The following DLG2 variants were observed in gnomAD, a reference collection of about 807,000 sequenced individuals.
DLG2 encodes disks large homolog 2.
Under a neutral mutation model 132.5 loss-of-function variants are expected in DLG2, and 45 were observed. The observed-to-expected ratio is 0.34, with a 90% CI of 0.27 to 0.44. The LOEUF (loss-of-function observed/expected upper bound fraction) is 0.44. Among genes scored for constraint, DLG2 ranks in the 20% least tolerant of loss-of-function variants. DLG2 has a pLI of 1.00. For synonymous variants in DLG2, 424 were observed against 419.6 expected (o/e 1.01, Z -0.13); for missense variants, 1,045 against 1,196.9 (o/e 0.87, Z 1.87).
intron 8 of DLG2, among the ~76,000 whole-genome samples, chr11:84,210,157 C>T (rs1178764803): frequency 6.6e-6 from 1 of 151,722 alleles, no homozygotes; most frequent in East Asian, 1.9e-4. Context: ...GTGGTACATG[C>T]CTGTAATCCC....
At chr11:83,824,398 A>G (rs1054753115) in intron 17 of DLG2, among the ~76,000 whole-genome samples, 2 of 152,118 alleles carry the variant, frequency 1.3e-5, no homozygotes, top group African/African-American at 4.8e-5. Flanking sequence ...TGAGGACACA[A>G]TGATTTTTTT....
At position 84,370,992 on chromosome 11, in the gene DLG2, A is replaced by G. The variant is rs187928934; in HGVS notation, c.520-119701T>C. On this transcript the variant is annotated intron_variant, in intron 7 of 27. Coordinates refer to ENST00000376104, the MANE Select transcript of DLG2 (RefSeq NM_001142699.3). ...CACCACATTCTCAGTCACTCTTCAC[A>G]CTTTCCATTCTGGCTTTTTTATAAA... 1.2e-4 allele frequency among the ~76,000 whole-genome samples: 18 copies of G among 152,218 alleles called. No homozygotes were observed. In the South Asian group the frequency reaches 2.3e-3, roughly 19 times the overall value.
chr11:83,476,967 TG>T (rs1290178412), intron 22 of DLG2, among the ~76,000 whole-genome samples: 2 of 152,120 alleles, frequency 1.3e-5, no homozygotes, highest in Admixed American at 1.3e-4. Context: ...GTGAAGAATA[TG>T]CACCATTTTG....
intron 11 of DLG2, among the ~76,000 whole-genome samples, chr11:83,983,413 T>G (rs2092972603): frequency 6.6e-6 from 1 of 152,002 alleles, no homozygotes; most frequent in African/African-American, 2.4e-5. Context: ...ATTTGGCATT[T>G]TATACAACAA....
Position 85,543,721 on chromosome 11 carries a change from A to T in DLG2, c.40+54936T>A, listed in dbSNP as rs183759876. Among the ~76,000 whole-genome samples, 52 of 152,228 alleles carry T rather than the reference A, an allele frequency of 3.4e-4. No individual in the cohort carries two copies. The East Asian group carries it at 9.8e-3, about 29-fold the overall frequency. On this transcript the variant is annotated intron_variant, in intron 3 of 27. Coordinates refer to ENST00000376104, the MANE Select transcript of DLG2 (RefSeq NM_001142699.3). The stretch of plus-strand genomic sequence containing the variant: ...GTATCTCATTGTGGTTTTGATTTAC[A>T]TTTCTCTAATGACCAGTGATGATGA...
intron 21 of DLG2, chr11:83,486,368 A>C: frequency 8.7e-6 from 5 of 572,586 alleles, no homozygotes; most frequent in Non-Finnish European, 1.5e-5. Context: ...AAAAAATTAC[A>C]CATTTTCATG....
At chr11:83,777,566 T>A (rs2094632800) in intron 18 of DLG2, among the ~76,000 whole-genome samples, 2 of 152,342 alleles carry the variant, frequency 1.3e-5, no homozygotes, top group Non-Finnish European at 2.9e-5. Flanking sequence ...ATTAAACTGA[T>A]AAGATTTAGG....
intron 4 of DLG2, among the ~76,000 whole-genome samples, chr11:85,282,677 T>C (rs980002169): frequency 5.3e-5 from 8 of 151,926 alleles, no homozygotes; most frequent in African/African-American, 1.9e-4. Context: ...AAAAAGTATA[T>C]ATTTATCATT....
intron 11 of DLG2, among the ~76,000 whole-genome samples, chr11:83,999,202 TG>T (rs1482933500): frequency 6.6e-6 from 1 of 152,020 alleles, no homozygotes; most frequent in Non-Finnish European, 1.5e-5. Context: ...CTGCCTGGCC[TG>T]GCTTTGTCCC....
At chr11:84,642,090 AGAGT>A (rs1371620851) in intron 6 of DLG2, among the ~76,000 whole-genome samples, 11 of 130,964 alleles carry the variant, frequency 8.4e-5, no homozygotes, top group South Asian at 2.6e-4. Context: ...GTGTATATGT[AGAGT>A]GTGTGTGTGT....
intron 4 of DLG2, among the ~76,000 whole-genome samples, chr11:85,240,323 TAAAG>T (rs1458916760): frequency 6.6e-6 from 1 of 151,892 alleles, no homozygotes; most frequent in Non-Finnish European, 1.5e-5. Flanking sequence ...ATATATTTGT[TAAAG>T]AAATCTTATG....
At chr11:85,210,047 C>T (rs2082159550) in intron 4 of DLG2, among the ~76,000 whole-genome samples, 1 of 152,154 alleles carries the variant, frequency 6.6e-6, no homozygotes, top group South Asian at 2.1e-4. Context: ...TCTGCCCACT[C>T]ACCATTTCAT....
chr11:85,451,697 C>T (rs1457592630), intron 3 of DLG2, among the ~76,000 whole-genome samples: 1 of 152,056 alleles, frequency 6.6e-6, no homozygotes, highest in Non-Finnish European at 1.5e-5. Flanking sequence ...TAGCACAGTA[C>T]CTAGCCCACA....
intron 6 of DLG2, chr11:84,923,273 C>A: frequency 6.7e-7 from 1 of 1,489,096 alleles, no homozygotes; most frequent in Admixed American, 2.1e-5. Flanking sequence ...TACAAAACGA[C>A]ATGTCTTGAA....
At position 85,433,004 on chromosome 11, in the gene DLG2, G is replaced by A. The variant is rs1035887522; in HGVS notation, c.41-147639C>T. On this transcript the variant is annotated intron_variant, in intron 3 of 27. Transcript: ENST00000376104. ...ACCCTATAAGCAAGAAGAAAGTGTG[G>A]GCCAATATTCAACATTCTTAAAGGA... Among the ~76,000 whole-genome samples, 6 of 152,070 alleles carry A rather than the reference G, an allele frequency of 3.9e-5. No homozygotes were observed. The East Asian group carries it at 1.2e-3, about 29-fold the overall frequency.
At chr11:84,145,564 A>G (rs933528873) in intron 9 of DLG2, among the ~76,000 whole-genome samples, 12 of 152,186 alleles carry the variant, frequency 7.9e-5, no homozygotes, top group Non-Finnish European at 5.9e-5. Context: ...TGACTGTCCT[A>G]GCATTAGATG....
intron 15 of DLG2, among the ~76,000 whole-genome samples, chr11:83,919,297 T>C (rs552932024): frequency 6.6e-6 from 1 of 152,164 alleles, no homozygotes; most frequent in Non-Finnish European, 1.5e-5. Context: ...ATGGTGAGAA[T>C]AGTAAGAACT....
intron 6 of DLG2, among the ~76,000 whole-genome samples, chr11:84,660,411 T>C (rs2099693277): frequency 6.6e-6 from 1 of 152,156 alleles, no homozygotes; most frequent in African/African-American, 2.4e-5. Context: ...GCAAAACATG[T>C]GCTGTACTAT....
rs1190472229 is a variant in DLG2 at position 83,532,801 on chromosome 11, T to TA, written c.2118-19dup. ...TTTCCACCCTAAAGCAAATTGAGAATAAAGAGTCTCTCACGTGACAAGGCA... is the reference window on the plus strand; with the variant it reads ...TTTCCACCCTAAAGCAAATTGAGAATAAAAGAGTCTCTCACGTGACAAGGCA... On this transcript the variant is annotated intron_variant, in intron 20 of 27. Coordinates refer to ENST00000376104, the MANE Select transcript of DLG2 (RefSeq NM_001142699.3). The TA allele has an allele frequency of 6.2e-7, 1 of 1,607,776 alleles. No homozygotes were observed. Among genetic ancestry groups the TA allele is most frequent in the East Asian group, 2.2e-5 (1 of 44,670 alleles).
Sources: allele counts gnomAD v4.1 joint callset (sites outside exome capture counted in the v4.1 genomes callset), GRCh38; gene constraint gnomAD v4.1.1; transcripts MANE v1.5; gene names NCBI Gene and HGNC (gene_info 2026-07-23, HGNC 2026-07-21).